The following MITF variants were observed in gnomAD, a reference collection of about 807,000 sequenced individuals.
MITF encodes melanocyte inducing transcription factor.
Under a neutral mutation model 60.5 loss-of-function variants are expected in MITF, and 17 were observed. That is an observed-to-expected ratio of 0.28 (90% confidence interval 0.19 to 0.42). The LOEUF (loss-of-function observed/expected upper bound fraction) is 0.42, where lower values mean the gene tolerates loss of function less well. Ranked by LOEUF, MITF falls within the 10% of genes least tolerant of loss-of-function variation. The pLI is 1.00. For synonymous variants in MITF, 260 were observed against 248.5 expected (o/e 1.05, Z -0.43); for missense variants, 622 against 683.5 (o/e 0.91, Z 1.00).
At chr3:69,773,039 G>A (rs2062417292) in intron 1 of MITF, among the ~76,000 whole-genome samples, 1 of 152,166 alleles carries the variant, frequency 6.6e-6, no homozygotes, top group African/African-American at 2.4e-5. Context: ...GGGGTGACTT[G>A]TAATTTAAAA....
intron 2 of MITF, chr3:69,936,950 T>A: frequency 3.9e-6 from 1 of 256,210 alleles, no homozygotes; most frequent in Non-Finnish European, 7.3e-6. Context: ...TAGGATTCTT[T>A]TTTTTTTTTT....
chr3:69,802,338 A>C (rs1332003435), intron 1 of MITF, among the ~76,000 whole-genome samples: 1 of 152,188 alleles, frequency 6.6e-6, no homozygotes, highest in Non-Finnish European at 1.5e-5. Context: ...GCCTAGAGTC[A>C]TGGACCTGCC....
intron 9 of MITF, 112 bp downstream of exon 9, chr3:69,959,532 A>G: frequency 1.5e-6 from 2 of 1,309,590 alleles, no homozygotes; most frequent in East Asian, 2.5e-5. Flanking sequence ...TAACACAGTC[A>G]ATCCTTATTA....
At chr3:69,778,482 C>T (rs2062510985) in intron 1 of MITF, among the ~76,000 whole-genome samples, 1 of 152,180 alleles carries the variant, frequency 6.6e-6, no homozygotes, top group South Asian at 2.1e-4. Flanking sequence ...TCTGTAATCA[C>T]TGCCGTTGTT....
At chr3:69,817,482 A>G (rs1575759820) in intron 1 of MITF, among the ~76,000 whole-genome samples, 1 of 151,990 alleles carries the variant, frequency 6.6e-6, no homozygotes. Flanking sequence ...AATATGTAGA[A>G]CATTACTGTA....
intron 5 of MITF, among the ~76,000 whole-genome samples, chr3:69,945,532 C>A (rs985078802): frequency 3.3e-5 from 5 of 152,202 alleles, no homozygotes; most frequent in African/African-American, 9.7e-5. Context: ...GAAGAACCAA[C>A]TACAGAATCC....
chr3:69,795,652 G>A (rs991426118), intron 1 of MITF, among the ~76,000 whole-genome samples: 2 of 152,124 alleles, frequency 1.3e-5, no homozygotes, highest in African/African-American at 4.8e-5. Flanking sequence ...CTTGAGCCTG[G>A]GAGGTTGAGG....
At position 69,959,258 on chromosome 3, in the gene MITF, C is replaced by T. The variant is rs746223005; in HGVS notation, c.1032-15C>T. 2.5e-6 allele frequency: 4 copies of T among 1,613,792 alleles called. No homozygotes were observed. The highest frequency in any genetic ancestry group is 1.7e-5 in the Admixed American group (1 of 60,014). Reference sequence around the variant, plus strand: ...AAATCCTAAAAATATCTGTTTTCCTCCATTTTCATCGCAGAGACATGCGCT... The same window carrying T: ...AAATCCTAAAAATATCTGTTTTCCTTCATTTTCATCGCAGAGACATGCGCT... On this transcript the variant is annotated splice_polypyrimidine_tract_variant and intron_variant, in intron 8 of 9. Transcript: ENST00000352241.
At chr3:69,820,350 C>T (rs2063249159) in intron 1 of MITF, among the ~76,000 whole-genome samples, 1 of 152,264 alleles carries the variant, frequency 6.6e-6, no homozygotes, top group South Asian at 2.1e-4. Flanking sequence ...CCAAGTTACA[C>T]TTTGATGTGA....
chr3:69,760,377 G>C (rs2062195008), intron 1 of MITF, among the ~76,000 whole-genome samples: 1 of 152,192 alleles, frequency 6.6e-6, no homozygotes, highest in African/African-American at 2.4e-5. Flanking sequence ...TCAAGAACGA[G>C]CTGGTGGTGG....
At chr3:69,846,159 C>G (rs993023610) in intron 1 of MITF, among the ~76,000 whole-genome samples, 1 of 96,196 alleles carries the variant, frequency 1.0e-5, no homozygotes, top group African/African-American at 3.3e-5. Context: ...TAACAGAGAT[C>G]TAAATTAATT....
chr3:69,810,179 CTTAGTACAGAT>C (rs1432938710), intron 1 of MITF, among the ~76,000 whole-genome samples: 1 of 152,150 alleles, frequency 6.6e-6, no homozygotes, highest in Non-Finnish European at 1.5e-5. Context: ...TTTTCAAAAG[CTTAGTACAGAT>C]TTTGATATCT....
chr3:69,936,021 T>C (rs886785369), intron 2 of MITF, among the ~76,000 whole-genome samples: 5 of 152,192 alleles, frequency 3.3e-5, no homozygotes, highest in Admixed American at 3.3e-4. Flanking sequence ...TCCACTTCTG[T>C]GTGTGCTATG....
In MITF at chr3:69,966,956, T is replaced by G. The variant is rs770934959; in HGVS notation, c.*1708T>G. 2.6e-5 allele frequency: 6 copies of G among 232,372 alleles called. No individual in the cohort carries two copies. The highest frequency in any genetic ancestry group is 5.6e-5 in the Admixed American group (1 of 17,722). 14.4% of individuals were successfully genotyped at this position (232,372 alleles called of 1,614,324 possible). On this transcript the variant is annotated 3_prime_UTR_variant, in exon 10 of 10. Coordinates refer to ENST00000352241, the MANE Select transcript of MITF (RefSeq NM_001354604.2). ...TAGCATGGTGCCTATGTAGACAATA[T>G]AAGAGCTTCCAATTTTCCTTCAGAT...
intron 2 of MITF, among the ~76,000 whole-genome samples, chr3:69,908,439 C>T (rs1559712566): frequency 6.6e-6 from 1 of 152,034 alleles, no homozygotes; most frequent in Non-Finnish European, 1.5e-5. Flanking sequence ...GTACACCAGC[C>T]CCATTTTTTA....
At chr3:69,895,317 G>A (rs1317164134) in intron 2 of MITF, among the ~76,000 whole-genome samples, 1 of 152,162 alleles carries the variant, frequency 6.6e-6, no homozygotes, top group Non-Finnish European at 1.5e-5. Context: ...GTTGAGAAAA[G>A]CCTCTTTTTT....
chr3:69,770,087 G>C (rs772575804), intron 1 of MITF, among the ~76,000 whole-genome samples: 2 of 152,068 alleles, frequency 1.3e-5, no homozygotes, highest in South Asian at 2.1e-4. Context: ...AAAATGCAGT[G>C]AACAACATCC....
At chr3:69,781,336 C>G (rs2062560561) in intron 1 of MITF, among the ~76,000 whole-genome samples, 1 of 152,118 alleles carries the variant, frequency 6.6e-6, no homozygotes, top group African/African-American at 2.4e-5. Flanking sequence ...CATAAGACTT[C>G]CAAATGTTTA....
Position 69,938,059 on chromosome 3 carries a change from G to A in MITF, c.582+10G>A, listed in dbSNP as rs1468292858. On this transcript the variant is annotated intron_variant, in intron 3 of 9. Coordinates refer to ENST00000352241, the MANE Select transcript of MITF (RefSeq NM_001354604.2). ...CAACTGTGAAAAAGAGGTAATTCAT[G>A]TCTCCTCTCCTCTCCTGTTTTCTTA... The A allele has an allele frequency of 9.3e-6, 15 of 1,609,838 alleles. No homozygotes were observed. The highest frequency in any genetic ancestry group is 1.2e-5 in the Non-Finnish European group (14 of 1,176,196).
Sources: gnomAD v4.1 joint callset for allele counts (sites outside exome capture counted in the v4.1 genomes callset) on GRCh38, gnomAD v4.1.1 for gene constraint, MANE v1.5 for transcripts, NCBI Gene and HGNC (gene_info 2026-07-23, HGNC 2026-07-21) for gene names.